The following SPRYD3 variants were observed in gnomAD, a reference collection of about 807,000 sequenced individuals.
The protein encoded by SPRYD3 is SPRY domain containing 3.
In SPRYD3, 17 loss-of-function variants were observed where a neutral mutation model predicts 50.1. The observed-to-expected ratio is 0.34, with a 90% CI of 0.23 to 0.51. SPRYD3 has a LOEUF of 0.51. Ranked by LOEUF, SPRYD3 falls within the 20% of genes least tolerant of loss-of-function variation. The pLI is 0.97. For missense variants in SPRYD3, 401 were observed against 591.2 expected (o/e 0.68, Z 3.34); for synonymous variants, 198 against 215.5 (o/e 0.92, Z 0.71).
In SPRYD3 at chr12:53,079,371, C is replaced by A; in HGVS notation, c.-38G>T. Reference sequence around the variant, plus strand: ...CAGCTCCGCACACAAGCTCTTCGGCCGCCGCCACCACACACATCCGGGTCC... The same window carrying A: ...CAGCTCCGCACACAAGCTCTTCGGCAGCCGCCACCACACACATCCGGGTCC... On this transcript the variant is annotated 5_prime_UTR_variant, in exon 1 of 11. Transcript: ENST00000301463. 1 of 1,596,204 alleles carries A rather than the reference C, an allele frequency of 6.3e-7. No homozygotes were observed. The highest frequency in any genetic ancestry group is 8.5e-7 in the Non-Finnish European group (1 of 1,171,866).
chr12:53,066,801 G>A (rs557400222), intron 8 of SPRYD3, 109 bp from the exon 9 acceptor site: 11 of 1,374,970 alleles, frequency 8.0e-6, no homozygotes, highest in African/African-American at 1.5e-5. Context: ...GGAAGGGAAG[G>A]GTCAGGGCGG....
At chr12:53,069,032 A>T (rs907207625) in intron 6 of SPRYD3, among the ~76,000 whole-genome samples, 1 of 152,026 alleles carries the variant, frequency 6.6e-6, no homozygotes, top group Non-Finnish European at 1.5e-5. Context: ...TTCAAGTTGG[A>T]GTAGGGGCGT....
chr12:53,067,762 GA>G, intron 7 of SPRYD3, 57 bp from the exon 8 acceptor site: 1 of 1,504,150 alleles, frequency 6.6e-7, no homozygotes. Flanking sequence ...AGACAGGAGA[GA>G]GTGGCGAGTA....
intron 6 of SPRYD3, among the ~76,000 whole-genome samples, chr12:53,071,398 C>T (rs1296637720): frequency 1.3e-5 from 2 of 152,210 alleles, no homozygotes; most frequent in Admixed American, 6.5e-5. Flanking sequence ...ACCACATTAC[C>T]TCACTTTGCG....
At chr12:53,066,924 C>A (rs1944513427) in intron 8 of SPRYD3, among the ~76,000 whole-genome samples, 1 of 152,078 alleles carries the variant, frequency 6.6e-6, no homozygotes, top group East Asian at 1.9e-4. Flanking sequence ...ACCAGCATGG[C>A]CAGCATGGCG....
At chr12:53,067,811 T>A in intron 7 of SPRYD3, 106 bp from the exon 8 acceptor site, 1 of 1,033,908 alleles carries the variant, frequency 9.7e-7, no homozygotes, top group Non-Finnish European at 1.5e-6. Flanking sequence ...GCCCAGAGAG[T>A]GCCAACCCTG....
intron 7 of SPRYD3, 26 bp from the exon 8 acceptor site, chr12:53,067,731 C>A: frequency 6.2e-7 from 1 of 1,607,916 alleles, no homozygotes; most frequent in Non-Finnish European, 8.5e-7. Context: ...AAAAGAAAAT[C>A]TATGGTCCCA....
chr12:53,065,752 A>G lies in SPRYD3; in HGVS notation c.*80T>C. 3 of 1,475,796 alleles carry G rather than the reference A, an allele frequency of 2.0e-6. No individual in the cohort carries two copies. Among genetic ancestry groups the G allele is most frequent in the Non-Finnish European group, 2.8e-6 (3 of 1,078,508 alleles). The allele number at this position is 1,475,796 out of a possible 1,614,324, so 91.4% of individuals were successfully genotyped here. A position where few individuals can be genotyped will look rare whatever the true frequency, so the allele number is the denominator to read the frequency against. Reference sequence around the variant, plus strand: ...CTCCAGGGGCCTGCTGGGTAAACGAAGCCTCTGGGAAGTCAGGAACTGGGT... The same window carrying G: ...CTCCAGGGGCCTGCTGGGTAAACGAGGCCTCTGGGAAGTCAGGAACTGGGT... On this transcript the variant is annotated 3_prime_UTR_variant, in exon 11 of 11. Coordinates refer to ENST00000301463, the MANE Select transcript of SPRYD3 (RefSeq NM_032840.3).
chr12:53,070,548 C>T (rs1305736302), intron 6 of SPRYD3, among the ~76,000 whole-genome samples: 5 of 152,236 alleles, frequency 3.3e-5, no homozygotes, highest in East Asian at 3.9e-4. Context: ...ACTTAACAGC[C>T]GCTAACCTCA....
intron 6 of SPRYD3, among the ~76,000 whole-genome samples, chr12:53,072,677 C>T (rs1271087181): frequency 1.3e-5 from 2 of 152,230 alleles, no homozygotes; most frequent in Admixed American, 6.5e-5. Flanking sequence ...AAGCTCCACA[C>T]GCTTCCCAAC....
At chr12:53,066,196 G>T in intron 10 of SPRYD3, 118 bp downstream of exon 10, 2 of 1,521,574 alleles carry the variant, frequency 1.3e-6, no homozygotes, top group African/African-American at 1.4e-5. Flanking sequence ...AACAGCCCTT[G>T]GGCAACGCCA....
chr12:53,065,317 G>A lies in SPRYD3; in HGVS notation c.*515C>T, dbSNP rs2293059. The A allele has an allele frequency of 0.055, 8,468 of 153,156 alleles. 333 individuals carry two copies. Among genetic ancestry groups the A allele is most frequent in the East Asian group, 0.17 (873 of 5,182 alleles). The allele number at this position is 153,156 out of a possible 1,614,324, so 9.5% of individuals were successfully genotyped here. A position where few individuals can be genotyped will look rare whatever the true frequency, so the allele number is the denominator to read the frequency against. The stretch of plus-strand genomic sequence containing the variant: ...GGGCAGCAGCCAGTGAAAGGACAGA[G>A]ATGACCAAAGAGAGGTCCCCTGGCC... On this transcript the variant is annotated 3_prime_UTR_variant, in exon 11 of 11. Transcript: ENST00000301463.
At chr12:53,076,993 G>A (rs7977070) in intron 2 of SPRYD3, 122 bp downstream of exon 2, 13 of 893,246 alleles carry the variant, frequency 1.5e-5, no homozygotes, top group Admixed American at 5.1e-5. Context: ...CAAGAGCATC[G>A]CCCTTCCCTG....
intron 7 of SPRYD3, 142 bp from the exon 8 acceptor site, chr12:53,067,847 G>A: frequency 2.5e-6 from 2 of 807,014 alleles, no homozygotes; most frequent in Non-Finnish European, 4.2e-6. Context: ...CAGGCACTGG[G>A]GCTTCAGGGG....
At chr12:53,068,893 C>T (rs1944529709) in intron 6 of SPRYD3, among the ~76,000 whole-genome samples, 1 of 152,116 alleles carries the variant, frequency 6.6e-6, no homozygotes, top group African/African-American at 2.4e-5. Flanking sequence ...TTAGCTGGGT[C>T]AGGGAGGTGC....
intron 1 of SPRYD3, 66 bp downstream of exon 1, chr12:53,079,245 C>T: frequency 3.9e-6 from 6 of 1,528,878 alleles, no homozygotes; most frequent in African/African-American, 2.7e-5. Flanking sequence ...CCAGGACCCC[C>T]GCCTTCCGCT....
Position 53,074,579 on chromosome 12 carries a change from T to C in SPRYD3, c.507+70A>G. The stretch of plus-strand genomic sequence containing the variant: ...GGGCAAGCCCCAGCCAGCAGACTCT[T>C]CCTAATCACTCCCCACAAATCCTTG... On this transcript the variant is annotated intron_variant, in intron 5 of 10. Transcript: ENST00000301463. This position sits in a 1 kb window ranked among gnomAD's most constrained non-coding sequence, Gnocchi z 4.6. 1 of 1,598,626 alleles carries C rather than the reference T, an allele frequency of 6.3e-7. No individual in the cohort carries two copies. Among genetic ancestry groups the C allele is most frequent in the Non-Finnish European group, 8.6e-7 (1 of 1,168,810 alleles).
At chr12:53,066,276 C>T in intron 10 of SPRYD3, 38 bp downstream of exon 10, 1 of 1,601,740 alleles carries the variant, frequency 6.2e-7, no homozygotes, top group Non-Finnish European at 8.5e-7. Context: ...TGCCCAGACC[C>T]AAAAACCCTG....
rs752769994 is a variant in SPRYD3, at chr12:53,077,269, G to A, written c.24-8C>T. 1.4e-5 allele frequency: 23 copies of A among 1,614,002 alleles called. No individual in the cohort carries two copies. The highest frequency in any genetic ancestry group is 1.8e-5 in the Non-Finnish European group (21 of 1,179,986). The stretch of plus-strand genomic sequence containing the variant: ...TTGTTCATGAGAACAAACCTGCCAA[G>A]GGGAGAAGGGGATTGAGGAGAAAGC... On this transcript the variant is annotated splice_region_variant and splice_polypyrimidine_tract_variant and intron_variant, in intron 1 of 10. Coordinates refer to ENST00000301463, the MANE Select transcript of SPRYD3 (RefSeq NM_032840.3).
Sources: allele counts gnomAD v4.1 joint callset (sites outside exome capture counted in the v4.1 genomes callset), GRCh38; gene constraint gnomAD v4.1.1; non-coding constraint Gnocchi (gnomAD v3.1); transcripts MANE v1.5; gene names NCBI Gene and HGNC (gene_info 2026-07-23, HGNC 2026-07-21).